JMY: variants seen among roughly 807,000 people sequenced by gnomAD.
JMY encodes junction-mediating and -regulatory protein.
Under a neutral mutation model 103.3 loss-of-function variants are expected in JMY, and 46 were observed. That is an observed-to-expected ratio of 0.45 (90% CI 0.35 to 0.57). JMY has a LOEUF of 0.57. Among genes scored for constraint, JMY ranks in the 20% least tolerant of loss-of-function variants. The pLI, the probability that JMY is intolerant of heterozygous loss-of-function variation, is 0.00. For synonymous variants in JMY, 526 were observed against 489.3 expected (o/e 1.07, Z -0.99); for missense variants, 1,238 against 1,255.2 (o/e 0.99, Z 0.21).
chr5:79,276,012 AATTT>A (rs1205711346), intron 1 of JMY, among the ~76,000 whole-genome samples: 2 of 152,198 alleles, frequency 1.3e-5, no homozygotes, highest in Admixed American at 6.5e-5. Context: ...GGAATAGAAG[AATTT>A]TGTGCCTTTG....
intron 1 of JMY, among the ~76,000 whole-genome samples, chr5:79,271,517 C>T (rs1424229632): frequency 6.6e-6 from 1 of 152,078 alleles, no homozygotes; most frequent in East Asian, 1.9e-4. Context: ...CTGATGCATT[C>T]TGTTTTGGAA....
chr5:79,259,903 G>A (rs559270163), intron 1 of JMY, among the ~76,000 whole-genome samples: 15 of 152,216 alleles, frequency 9.9e-5, no homozygotes, highest in Non-Finnish European at 2.2e-4. Flanking sequence ...ACCCCTGGGA[G>A]GGTGGGAATC....
intron 2 of JMY, 66 bp downstream of exon 2, chr5:79,278,149 C>G: frequency 9.2e-7 from 1 of 1,092,030 alleles, no homozygotes. Context: ...AAAGGCCATG[C>G]GTTATCCACA....
At chr5:79,257,894 C>T (rs900346447) in intron 1 of JMY, among the ~76,000 whole-genome samples, 2 of 152,084 alleles carry the variant, frequency 1.3e-5, no homozygotes, top group Non-Finnish European at 2.9e-5. Context: ...TCCTGAGTAG[C>T]TGGGATTATA....
chr5:79,254,468 T>C (rs905120529), intron 1 of JMY, among the ~76,000 whole-genome samples: 21 of 152,234 alleles, frequency 1.4e-4, no homozygotes, highest in African/African-American at 5.1e-4. Flanking sequence ...CTTTATGTCA[T>C]GCCGCTCTCT....
chr5:79,296,858 A>G (rs899217501), intron 4 of JMY, among the ~76,000 whole-genome samples: 2 of 152,232 alleles, frequency 1.3e-5, no homozygotes, highest in African/African-American at 4.8e-5. Flanking sequence ...GTTTGCAAAA[A>G]GTGCCATCTG....
intron 1 of JMY, 139 bp downstream of exon 1, chr5:79,237,821 T>A: frequency 1.4e-6 from 1 of 691,996 alleles, no homozygotes; most frequent in Non-Finnish European, 2.4e-6. Context: ...GAGGGGTTCC[T>A]GATCTACCTT....
rs1433697689 is a variant in JMY, at chr5:79,237,661, G to A, written c.1011G>A (p.Arg337=). 1 of 1,613,040 alleles carries A rather than the reference G, an allele frequency of 6.2e-7. No individual in the cohort carries two copies. The highest frequency in any genetic ancestry group is 1.7e-5 in the Admixed American group (1 of 59,924). Residue 337 remains arginine (R), a synonymous_variant, in exon 1 of 11, where the codon CGG becomes CGA. Coordinates refer to ENST00000396137, the MANE Select transcript of JMY (RefSeq NM_152405.5). ...RQKGYEEVLQ[R]ARKRIQELLD... ...AGGGCTACGAAGAAGTGCTTCAGCG[G>A]GCCAGGAAGCGCATCCAGGAGGTGA... is the stretch of plus-strand genomic sequence containing the variant.
Position 79,278,068 on chromosome 5 carries a change from A to C in JMY, c.1191A>C (p.Arg397=), listed in dbSNP as rs1305718718. The C allele has an allele frequency of 1.9e-6, 3 of 1,612,758 alleles. No homozygotes were observed. The African/African-American group carries it at 4.0e-5, about 22-fold the overall frequency. Reference sequence around the variant, plus strand: ...ACATGAGAGAACTTGCCATGCTACGAAGACAGCAGATCAAGGTATTTTTTT... The same window carrying C: ...ACATGAGAGAACTTGCCATGCTACGCAGACAGCAGATCAAGGTATTTTTTT... ...FRDMRELAML[R]RQQIKISMEN... is the part of the protein sequence containing the mutation. Residue 397 remains arginine, a synonymous_variant, in exon 2 of 11, where the codon CGA becomes CGC. Transcript: ENST00000396137.
intron 2 of JMY, among the ~76,000 whole-genome samples, chr5:79,282,238 AATG>A (rs1746140694): frequency 6.6e-6 from 1 of 152,130 alleles, no homozygotes; most frequent in Non-Finnish European, 1.5e-5. Context: ...AAATTCTAGA[AATG>A]ATGATTTTGA....
chr5:79,284,950 T>C (rs889411963), intron 2 of JMY: 7 of 1,414,914 alleles, frequency 4.9e-6, no homozygotes, highest in Non-Finnish European at 5.9e-6. Context: ...AGGAAGTTAC[T>C]TTCAAATGAA....
At chr5:79,292,104 A>T (rs544995132) in intron 4 of JMY, among the ~76,000 whole-genome samples, 3 of 152,104 alleles carry the variant, frequency 2.0e-5, no homozygotes, top group Non-Finnish European at 4.4e-5. Flanking sequence ...GTAAAATTGG[A>T]ACTTGGCTTA....
intron 1 of JMY, among the ~76,000 whole-genome samples, chr5:79,260,556 G>GT (rs1271829009): frequency 6.7e-6 from 1 of 150,262 alleles, no homozygotes; most frequent in African/African-American, 2.5e-5. Context: ...GATTTTTGTG[G>GT]GTTTTTTTTT....
chr5:79,237,829 C>G, intron 1 of JMY, 147 bp downstream of exon 1: 1 of 665,696 alleles, frequency 1.5e-6, no homozygotes, highest in South Asian at 2.1e-5. Flanking sequence ...CCTGATCTAC[C>G]TTGCCCTTCA....
chr5:79,302,933 A>T (rs1265230424), intron 6 of JMY, among the ~76,000 whole-genome samples: 1 of 152,204 alleles, frequency 6.6e-6, no homozygotes, highest in Non-Finnish European at 1.5e-5. Flanking sequence ...ACTTTGCAGA[A>T]AAAGTTAGTA....
At chr5:79,255,128 C>CTTTTTTTTTTTTTTT (rs71615518) in intron 1 of JMY, among the ~76,000 whole-genome samples, 4 of 139,810 alleles carry the variant, frequency 2.9e-5, no homozygotes, top group African/African-American at 5.6e-5. Flanking sequence ...TCTCTCTCTC[C>CTTTTTTTTTTTTTTT]TTTTTTTTGA....
chr5:79,274,394 GTGTT>G (rs796561404), intron 1 of JMY, among the ~76,000 whole-genome samples: 3 of 130,742 alleles, frequency 2.3e-5, no homozygotes, highest in Admixed American at 7.2e-5. Flanking sequence ...TTTAAAAATA[GTGTT>G]TTTTTTTGTT....
intron 1 of JMY, among the ~76,000 whole-genome samples, chr5:79,241,810 G>A (rs1744751840): frequency 6.6e-6 from 1 of 152,200 alleles, no homozygotes; most frequent in East Asian, 1.9e-4. Context: ...ATTGGAAGCA[G>A]TATTTATACA....
At chr5:79,288,497 G>A (rs1344174802) in intron 2 of JMY, among the ~76,000 whole-genome samples, 1 of 152,032 alleles carries the variant, frequency 6.6e-6, no homozygotes, top group Non-Finnish European at 1.5e-5. Context: ...GTTTTACCCA[G>A]AGACACACTT....
Sources: gnomAD v4.1 joint callset for allele counts (sites outside exome capture counted in the v4.1 genomes callset) on GRCh38, gnomAD v4.1.1 for gene constraint, MANE v1.5 for transcripts, NCBI Gene and HGNC (gene_info 2026-07-23, HGNC 2026-07-21) for gene names.